The following ZEB1 variants were observed in gnomAD, a reference collection of about 807,000 sequenced individuals.
ZEB1 encodes zinc finger E-box-binding homeobox 1.
Under a neutral mutation model 84.9 loss-of-function variants are expected in ZEB1, and 21 were observed. The observed-to-expected ratio is 0.25, with a 90% CI of 0.18 to 0.36. ZEB1 has a LOEUF of 0.36. ZEB1 is among the 10% of genes least tolerant of loss of function. ZEB1 has a pLI of 1.00. For synonymous variants in ZEB1, 420 were observed against 471.1 expected, an observed-to-expected ratio of 0.89 and a Z score of 1.41; for missense variants, 1,104 against 1,330.2, an observed-to-expected ratio of 0.83 and a Z score of 2.65.
chr10:31,319,017 C>T (rs2032895528), upstream of ZEB1: 1 of 608,768 alleles, frequency 1.6e-6, no homozygotes, highest in Non-Finnish European at 3.0e-6. Flanking sequence ...TCAAATTCAG[C>T]AGTGCCCACG....
chr10:31,417,480 T>C (rs2055410580), intron 1 of ZEB1, among the ~76,000 whole-genome samples: 2 of 152,252 alleles, frequency 1.3e-5, no homozygotes, highest in South Asian at 4.1e-4. Flanking sequence ...GAGTGGCTTA[T>C]CACATACTGT....
chr10:31,442,463 C>A (rs2059141854), intron 1 of ZEB1, among the ~76,000 whole-genome samples: 1 of 151,948 alleles, frequency 6.6e-6, no homozygotes, highest in Admixed American at 6.6e-5. Context: ...ATGTAAATGA[C>A]AAGTTAATGG....
At position 31,359,632 on chromosome 10, in the gene ZEB1, A is replaced by G. The variant is rs568806244; in HGVS notation, c.58+40340A>G. ...ATTATGTTTATTACTAACTGATGTTATTAACTATATTTATAATTTGTACAC... is the reference window on the plus strand; with the variant it reads ...ATTATGTTTATTACTAACTGATGTTGTTAACTATATTTATAATTTGTACAC... On this transcript the variant is annotated intron_variant, in intron 1 of 8. Transcript: ENST00000424869. 3.3e-5 allele frequency among the ~76,000 whole-genome samples: 5 copies of G among 152,140 alleles called. No individual in the cohort carries two copies. The South Asian group carries it at 6.2e-4, about 19-fold the overall frequency.
chr10:31,435,794 G>T (rs752923093), intron 1 of ZEB1, among the ~76,000 whole-genome samples: 19 of 152,218 alleles, frequency 1.2e-4, no homozygotes, highest in Non-Finnish European at 1.9e-4. Flanking sequence ...TTTTAAGAAG[G>T]AGAGTGATAC....
intron 1 of ZEB1, among the ~76,000 whole-genome samples, chr10:31,365,094 C>T (rs1019770601): frequency 6.6e-6 from 1 of 152,188 alleles, no homozygotes; most frequent in Non-Finnish European, 1.5e-5. Flanking sequence ...TATAGATCAG[C>T]TTTGGTCTGT....
intron 1 of ZEB1, among the ~76,000 whole-genome samples, chr10:31,361,569 G>A (rs2043078376): frequency 1.3e-5 from 2 of 152,138 alleles, no homozygotes; most frequent in Non-Finnish European, 2.9e-5. Context: ...TGAGGGGGCC[G>A]GGTGGGGGCA....
chr10:31,382,674 CT>C (rs1360567881), intron 1 of ZEB1, among the ~76,000 whole-genome samples: 1 of 152,008 alleles, frequency 6.6e-6, no homozygotes, highest in East Asian at 1.9e-4. Flanking sequence ...ATTAGTAGAA[CT>C]CACCCAGAAG....
intron 1 of ZEB1, among the ~76,000 whole-genome samples, chr10:31,385,458 AC>A (rs1439882565): frequency 6.6e-6 from 1 of 151,954 alleles, no homozygotes; most frequent in Non-Finnish European, 1.5e-5. Flanking sequence ...CTTTATCAGT[AC>A]CATTAATCAA....
chr10:31,413,702 T>C (rs772096059), intron 1 of ZEB1, among the ~76,000 whole-genome samples: 2 of 152,136 alleles, frequency 1.3e-5, no homozygotes, highest in Admixed American at 6.6e-5. Flanking sequence ...GAGAAAAATA[T>C]GATCTCTAAA....
intron 1 of ZEB1, among the ~76,000 whole-genome samples, chr10:31,420,892 G>T (rs1026969804): frequency 6.6e-6 from 1 of 151,898 alleles, no homozygotes; most frequent in South Asian, 2.1e-4. Flanking sequence ...CCTTCATTCC[G>T]TAGATATCGA....
At chr10:31,488,559 T>G (rs1453057513) in intron 2 of ZEB1, among the ~76,000 whole-genome samples, 1 of 150,894 alleles carries the variant, frequency 6.6e-6, no homozygotes, top group African/African-American at 2.4e-5. Context: ...TTTTTATTAC[T>G]TCTTTCTGCT....
intron 1 of ZEB1, among the ~76,000 whole-genome samples, chr10:31,407,730 G>A (rs918790341): frequency 4.3e-4 from 65 of 152,024 alleles, no homozygotes; most frequent in Admixed American, 2.6e-3. Context: ...ATTAGGTATT[G>A]ATGGGACGTA....
chr10:31,455,250 A>G (rs1039393029), intron 1 of ZEB1, among the ~76,000 whole-genome samples: 1 of 152,208 alleles, frequency 6.6e-6, no homozygotes, highest in African/African-American at 2.4e-5. Context: ...TACACTTTAT[A>G]CAAAAATCAA....
chr10:31,469,236 G>A (rs534939255), intron 2 of ZEB1, among the ~76,000 whole-genome samples: 80 of 151,768 alleles, frequency 5.3e-4, no homozygotes, highest in Middle Eastern at 6.8e-3. Flanking sequence ...GAACAGCTCC[G>A]GTCTACAGCT....
At chr10:31,474,670 A>C (rs1350491714) in intron 2 of ZEB1, among the ~76,000 whole-genome samples, 1 of 152,208 alleles carries the variant, frequency 6.6e-6, no homozygotes, top group Non-Finnish European at 1.5e-5. Flanking sequence ...TCAGGGATCT[A>C]GAACTAGAAA....
intron 1 of ZEB1, among the ~76,000 whole-genome samples, chr10:31,365,399 C>T (rs984448785): frequency 2.6e-5 from 4 of 152,096 alleles, no homozygotes; most frequent in Middle Eastern, 3.2e-3. Flanking sequence ...GGCCACTCTA[C>T]ATCTTGTTAT....
At position 31,335,342 on chromosome 10, in the gene ZEB1, A is replaced by ATC. The variant is rs1382731710; in HGVS notation, c.58+16051_58+16052dup. 3.9e-5 allele frequency among the ~76,000 whole-genome samples: 6 copies of ATC among 152,082 alleles called. No homozygotes were observed. The East Asian group carries it at 1.2e-3, about 29-fold the overall frequency. On this transcript the variant is annotated intron_variant, in intron 1 of 8. Coordinates refer to ENST00000424869, the MANE Select transcript of ZEB1 (RefSeq NM_001174096.2). ...ATAGTATTTATAGGGCTTCCATGCTATCCATGGTTTCAGGCATCCTCAGGG... is the reference window on the plus strand; with the variant it reads ...ATAGTATTTATAGGGCTTCCATGCTATCTCCATGGTTTCAGGCATCCTCAGGG...
intron 1 of ZEB1, among the ~76,000 whole-genome samples, chr10:31,409,805 CTGTT>C (rs1288758746): frequency 2.0e-5 from 3 of 152,120 alleles, no homozygotes; most frequent in East Asian, 1.9e-4. Flanking sequence ...TGATTTGGCT[CTGTT>C]TGTTTATTAT....
intron 1 of ZEB1, among the ~76,000 whole-genome samples, chr10:31,348,408 A>G (rs1391794407): frequency 2.0e-5 from 3 of 152,014 alleles, no homozygotes; most frequent in Admixed American, 6.6e-5. Flanking sequence ...TACTAAAAAT[A>G]CAAAAATTAG....
Sources: allele counts gnomAD v4.1 joint callset (sites outside exome capture counted in the v4.1 genomes callset), GRCh38; gene constraint gnomAD v4.1.1; transcripts MANE v1.5; gene names NCBI Gene and HGNC (gene_info 2026-07-23, HGNC 2026-07-21).